Variants in KCNJ15 observed in about 807,000 individuals in gnomAD.
KCNJ15 encodes ATP-sensitive inward rectifier potassium channel 15.
KCNJ15 carries 14 observed loss-of-function variants against 23.0 expected under a neutral mutation model. That is an observed-to-expected ratio of 0.61 (90% CI 0.40 to 0.95). KCNJ15 has a LOEUF of 0.95. Among genes scored for constraint, KCNJ15 ranks in the 40% least tolerant of loss-of-function variants. KCNJ15 has a pLI of 0.00. For missense variants in KCNJ15, 388 were observed against 461.8 expected (o/e 0.84, Z 1.46); for synonymous variants, 185 against 183.2 (o/e 1.01, Z -0.08).
Position 38,246,336 on chromosome 21 carries a change from A to G in KCNJ15, c.-398-10710A>G, listed in dbSNP as rs148522023. ...CACTAGAGTTTTTTGCGTGTTGCCA[A>G]TTTCAATCAGATCCAGGAGTATTGG... is the stretch of plus-strand genomic sequence containing the variant. On this transcript the variant is annotated intron_variant, in intron 1 of 4. Transcript: ENST00000547341. Among the ~76,000 whole-genome samples, 10 of 152,306 alleles carry G rather than the reference A, an allele frequency of 6.6e-5. 1 individual carries two copies. The highest frequency in any genetic ancestry group is 2.4e-4 in the African/African-American group (10 of 41,562).
chr21:38,278,717 AG>A (rs1982999982), intron 1 of KCNJ15, among the ~76,000 whole-genome samples: 1 of 152,200 alleles, frequency 6.6e-6, no homozygotes, highest in Non-Finnish European at 1.5e-5. Context: ...GCTTTCGGGC[AG>A]ATGGCATGGC....
Position 38,304,837 on chromosome 21 carries a change from G to C in KCNJ15, c.*4448G>C, listed in dbSNP as rs1235989400. On this transcript the variant is annotated 3_prime_UTR_variant, in exon 3 of 3. Transcript: ENST00000398938. ...ACTACAGGCGCTCGCCACCATGCCC[G>C]GCTAATTTTGTTTTTGTGTTTTTAG... 1.3e-5 allele frequency: 2 copies of C among 148,506 alleles called. No homozygotes were observed. The highest frequency in any genetic ancestry group is 2.5e-5 in the African/African-American group (1 of 40,600). 9.2% of individuals were successfully genotyped at this position (148,506 alleles called of 1,614,324 possible).
intron 1 of KCNJ15, among the ~76,000 whole-genome samples, chr21:38,242,148 C>T (rs78764804): frequency 2.3e-3 from 350 of 152,154 alleles, no homozygotes; most frequent in Non-Finnish European, 3.7e-3. Flanking sequence ...CTCTAATCCA[C>T]GTTGTGATAA....
intron 1 of KCNJ15, among the ~76,000 whole-genome samples, chr21:38,248,114 C>G (rs1469158382): frequency 6.6e-6 from 1 of 152,196 alleles, no homozygotes; most frequent in Non-Finnish European, 1.5e-5. Flanking sequence ...CAGCAAATAG[C>G]AGACATATCT....
At chr21:38,258,059 A>G (rs1172654087) in intron 1 of KCNJ15, among the ~76,000 whole-genome samples, 3 of 151,588 alleles carry the variant, frequency 2.0e-5, no homozygotes, top group Non-Finnish European at 1.5e-5. Flanking sequence ...TTTCCCCTTT[A>G]CCTGTAAGAG....
intron 1 of KCNJ15, among the ~76,000 whole-genome samples, chr21:38,250,446 G>A (rs1029099334): frequency 1.3e-5 from 2 of 152,176 alleles, no homozygotes; most frequent in Admixed American, 6.6e-5. Flanking sequence ...CATGCAGTGT[G>A]TACCCAGCTA....
Position 38,306,607 on chromosome 21 carries a change from A to G in KCNJ15, c.*6218A>G, listed in dbSNP as rs1986064981. 1 of 152,178 alleles carries G rather than the reference A, an allele frequency of 6.6e-6. No individual in the cohort carries two copies. The highest frequency in any genetic ancestry group is 2.4e-5 in the African/African-American group (1 of 41,444). 9.4% of individuals were successfully genotyped at this position (152,178 alleles called of 1,614,324 possible). A position where few individuals can be genotyped will look rare whatever the true frequency, so the allele number is the denominator to read the frequency against. Reference sequence around the variant, plus strand: ...TCGTATTACATCAAATCATTACAGGAAGTATGACTGTATCAGCGGCTTTTT... The same window carrying G: ...TCGTATTACATCAAATCATTACAGGGAGTATGACTGTATCAGCGGCTTTTT... On this transcript the variant is annotated 3_prime_UTR_variant, in exon 3 of 3. Coordinates refer to ENST00000398938, the MANE Select transcript of KCNJ15 (RefSeq NM_170736.3).
chr21:38,232,360 A>G (rs561284111), intron 1 of KCNJ15, among the ~76,000 whole-genome samples: 11 of 151,964 alleles, frequency 7.2e-5, no homozygotes, highest in Non-Finnish European at 1.3e-4. Context: ...AATCAAGCTG[A>G]AATTTGGTCA....
At chr21:38,248,071 A>T (rs1979574499) in intron 1 of KCNJ15, among the ~76,000 whole-genome samples, 1 of 152,228 alleles carries the variant, frequency 6.6e-6, no homozygotes, top group Non-Finnish European at 1.5e-5. Context: ...CTGTAAACTT[A>T]TTGCTAGTAA....
chr21:38,260,152 A>G (rs1007118746), intron 1 of KCNJ15, among the ~76,000 whole-genome samples: 41 of 151,042 alleles, frequency 2.7e-4, no homozygotes, highest in African/African-American at 9.8e-4. Flanking sequence ...AAGAAGTTTT[A>G]TTTGCTAAAT....
At chr21:38,276,786 A>AG (rs1601200522) in intron 1 of KCNJ15, among the ~76,000 whole-genome samples, 1 of 143,054 alleles carries the variant, frequency 7.0e-6, no homozygotes, top group East Asian at 1.9e-4. Context: ...AAAACATCTG[A>AG]ATTCATACTT....
At chr21:38,247,407 T>C (rs1426170722) in intron 1 of KCNJ15, among the ~76,000 whole-genome samples, 1 of 151,902 alleles carries the variant, frequency 6.6e-6, no homozygotes, top group African/African-American at 2.4e-5. Flanking sequence ...AACGGATGGA[T>C]AGATGGATAA....
chr21:38,267,865 C>T (rs907155915), intron 1 of KCNJ15, among the ~76,000 whole-genome samples: 6 of 152,170 alleles, frequency 3.9e-5, no homozygotes, highest in African/African-American at 1.4e-4. Context: ...TCAAAGTCAA[C>T]TGAGTTATTC....
chr21:38,230,226 G>T (rs951798930), intron 1 of KCNJ15, among the ~76,000 whole-genome samples: 1 of 151,972 alleles, frequency 6.6e-6, no homozygotes, highest in Non-Finnish European at 1.5e-5. Flanking sequence ...TATCCTTGTG[G>T]TTTTGAAGTA....
At chr21:38,252,450 G>C (rs986509337), upstream of KCNJ15, among the ~76,000 whole-genome samples, 30 of 152,114 alleles carry the variant, frequency 2.0e-4, no homozygotes, top group Admixed American at 1.9e-3. Context: ...CTCCAGTTTA[G>C]GAACTGGAGG....
chr21:38,248,497 CT>C lies in KCNJ15; in HGVS notation c.-398-8548del, dbSNP rs530298105. The stretch of plus-strand genomic sequence containing the variant: ...TTCAAGTGGTTGGACAATAAAAGAA[CT>C]AGAATAAGACTCAGAAAAGCCTAGT... On this transcript the variant is annotated intron_variant, in intron 1 of 4. Coordinates refer to the KCNJ15 transcript ENST00000547341. Among the ~76,000 whole-genome samples the C allele has an allele frequency of 1.8e-3, 280 of 152,350 alleles. 2 individuals are homozygous for C. Among genetic ancestry groups the C allele is most frequent in the African/African-American group, 6.4e-3 (266 of 41,576 alleles).
At chr21:38,252,332 G>C (rs1023586765), upstream of KCNJ15, among the ~76,000 whole-genome samples, 1 of 152,186 alleles carries the variant, frequency 6.6e-6, no homozygotes, top group African/African-American at 2.4e-5. Flanking sequence ...CTCCCAGGTA[G>C]AGTAAATTCC....
At chr21:38,241,815 A>C (rs1047342806) in intron 1 of KCNJ15, among the ~76,000 whole-genome samples, 2 of 152,004 alleles carry the variant, frequency 1.3e-5, no homozygotes, top group African/African-American at 2.4e-5. Flanking sequence ...AAAATACAAA[A>C]AAAATTAGCT....
chr21:38,274,957 A>T (rs1004984287), intron 1 of KCNJ15, among the ~76,000 whole-genome samples: 1 of 152,060 alleles, frequency 6.6e-6, no homozygotes, highest in Non-Finnish European at 1.5e-5. Flanking sequence ...ATGATTCTTC[A>T]ATTTCCACCT....
Sources: allele counts gnomAD v4.1 joint callset (sites outside exome capture counted in the v4.1 genomes callset), GRCh38; gene constraint gnomAD v4.1.1; transcripts MANE v1.5; gene names NCBI Gene and HGNC (gene_info 2026-07-23, HGNC 2026-07-21).